KCNQ4: variants seen among roughly 807,000 people sequenced by gnomAD.
KCNQ4 encodes potassium voltage-gated channel subfamily Q member 4.
KCNQ4 carries 31 observed loss-of-function variants against 72.6 expected under a neutral mutation model. The observed-to-expected ratio is 0.43, with a 90% CI of 0.32 to 0.58. The LOEUF is 0.58. Among genes scored for constraint, KCNQ4 ranks in the 20% least tolerant of loss-of-function variants. KCNQ4 has a pLI of 0.08. For synonymous variants in KCNQ4, 405 were observed against 403.7 expected (o/e 1.00, Z -0.04); for missense variants, 869 against 962.6 (o/e 0.90, Z 1.29).
chr1:40,802,564 G>A (rs1431865597), intron 1 of KCNQ4, among the ~76,000 whole-genome samples: 1 of 150,288 alleles, frequency 6.7e-6, no homozygotes, highest in African/African-American at 2.4e-5. Flanking sequence ...CGTAAGCCCC[G>A]CCCTCGCCGA....
chr1:40,784,372 G>A lies in KCNQ4; in HGVS notation c.279G>A (p.Arg93=). The change falls in exon 1 of 14, where the codon CGG becomes CGA. Residue 93 remains arginine (R), a synonymous_variant. Coordinates refer to ENST00000347132, the MANE Select transcript of KCNQ4 (RefSeq NM_004700.4). The surrounding 1 kb of genome is among the most constrained non-coding windows in gnomAD (Gnocchi z 4.1). ...LQNWVYNVLE[R]PRGWAFVYHV... Reference sequence around the variant, plus strand: ...ACTGGGTCTACAACGTGCTGGAGCGGCCCCGCGGCTGGGCCTTCGTCTACC... The same window carrying A: ...ACTGGGTCTACAACGTGCTGGAGCGACCCCGCGGCTGGGCCTTCGTCTACC... 1 of 1,610,008 alleles carries A rather than the reference G, an allele frequency of 6.2e-7. No individual in the cohort carries two copies. Among genetic ancestry groups the A allele is most frequent in the Non-Finnish European group, 8.5e-7 (1 of 1,179,338 alleles).
chr1:40,791,926 C>A (rs1647291318), intron 1 of KCNQ4, among the ~76,000 whole-genome samples: 1 of 151,998 alleles, frequency 6.6e-6, no homozygotes. Context: ...CCGGGCTGGA[C>A]AACATTTACT....
chr1:40,818,490 C>T lies in KCNQ4; in HGVS notation c.533-15C>T, dbSNP rs935445849. 3.8e-6 allele frequency: 6 copies of T among 1,599,952 alleles called. No individual in the cohort carries two copies. Among genetic ancestry groups the T allele is most frequent in the Non-Finnish European group, 5.1e-6 (6 of 1,179,752 alleles). On this transcript the variant is annotated splice_polypyrimidine_tract_variant and intron_variant, in intron 3 of 13. Transcript: ENST00000347132. ...GGGTAGGCTGGCTGTGATCTCGCCG[C>T]CCCCGCCCCTGCAGACTTCATCGTG...
rs371447630 is a variant in KCNQ4, at chr1:40,818,467, G to C, written c.533-38G>C. ...CCCCGCCTCCGGGTCCGTGCGCGGG[G>C]TAGGCTGGCTGTGATCTCGCCGCCC... On this transcript the variant is annotated intron_variant, in intron 3 of 13. Transcript: ENST00000347132. 754 of 1,598,370 alleles carry C rather than the reference G, an allele frequency of 4.7e-4. 1 individual carries two copies. The highest frequency in any genetic ancestry group is 6.0e-4 in the Non-Finnish European group (706 of 1,179,510).
At chr1:40,811,829 A>C (rs982955059) in intron 1 of KCNQ4, among the ~76,000 whole-genome samples, 1 of 152,248 alleles carries the variant, frequency 6.6e-6, no homozygotes, top group Non-Finnish European at 1.5e-5. Context: ...AGTGGCCGCT[A>C]GTCTGGCCTG....
chr1:40,809,489 C>G (rs897806077), intron 1 of KCNQ4, among the ~76,000 whole-genome samples: 3 of 152,208 alleles, frequency 2.0e-5, no homozygotes, highest in African/African-American at 7.2e-5. Context: ...ACTCATGGCA[C>G]CTTCATCCAT....
rs1270298337 is a variant in KCNQ4 at position 40,784,826 on chromosome 1, T to C, written c.314+419T>C. Reference sequence around the variant, plus strand: ...GAGGAACCCTTGGCTCCCACACGCTTCTGTCACCTGCTCCCCAGCTCTGAG... The same window carrying C: ...GAGGAACCCTTGGCTCCCACACGCTCCTGTCACCTGCTCCCCAGCTCTGAG... On this transcript the variant is annotated intron_variant, in intron 1 of 13. Transcript: ENST00000347132. The surrounding 1 kb of genome is among the most constrained non-coding windows in gnomAD (Gnocchi z 4.1). Among the ~76,000 whole-genome samples, 1 of 152,140 alleles carries C rather than the reference T, an allele frequency of 6.6e-6. No individual in the cohort carries two copies. The highest frequency in any genetic ancestry group is 2.4e-5 in the African/African-American group (1 of 41,430).
rs1326117918 is a variant in KCNQ4 at position 40,794,246 on chromosome 1, C to T, written c.314+9839C>T. Among the ~76,000 whole-genome samples the T allele has an allele frequency of 2.0e-5, 3 of 152,220 alleles. No homozygotes were observed. The highest frequency in any genetic ancestry group is 7.2e-5 in the African/African-American group (3 of 41,458). On this transcript the variant is annotated intron_variant, in intron 1 of 13. Transcript: ENST00000347132. This position sits in a 1 kb window ranked among gnomAD's most constrained non-coding sequence, Gnocchi z 4.2. The stretch of plus-strand genomic sequence containing the variant: ...CTGCAGAGCACAGGGCCTTGATTGA[C>T]AGGCTGTGGAGGTGGGCCTTACCCT...
In KCNQ4 at chr1:40,809,378, C is replaced by A. The variant is rs148970966; in HGVS notation, c.315-7887C>A. 4.4e-4 allele frequency among the ~76,000 whole-genome samples: 67 copies of A among 152,302 alleles called. 1 individual carries two copies. Among genetic ancestry groups the A allele is most frequent in the African/African-American group, 1.5e-3 (62 of 41,560 alleles). On this transcript the variant is annotated intron_variant, in intron 1 of 13. Coordinates refer to ENST00000347132, the MANE Select transcript of KCNQ4 (RefSeq NM_004700.4). ...CCAGCCGGGTCTCTCTCTTCATACCCATGGAGTGTTTGCCCAGTGCCCATA... is the reference window on the plus strand; with the variant it reads ...CCAGCCGGGTCTCTCTCTTCATACCAATGGAGTGTTTGCCCAGTGCCCATA...
In KCNQ4 at chr1:40,807,508, T is replaced by C. The variant is rs539591779; in HGVS notation, c.315-9757T>C. On this transcript the variant is annotated intron_variant, in intron 1 of 13. Coordinates refer to ENST00000347132, the MANE Select transcript of KCNQ4 (RefSeq NM_004700.4). ...TTAGAATCGCTGGATCAGGGGAAACTTCTCCTCCCAGCCCCTGAGGATTCT... is the reference window on the plus strand; with the variant it reads ...TTAGAATCGCTGGATCAGGGGAAACCTCTCCTCCCAGCCCCTGAGGATTCT... Among the ~76,000 whole-genome samples, 4 of 152,238 alleles carry C rather than the reference T, an allele frequency of 2.6e-5. No individual in the cohort carries two copies. The South Asian group carries it at 6.2e-4, about 24-fold the overall frequency.
intron 7 of KCNQ4, among the ~76,000 whole-genome samples, chr1:40,820,535 G>T (rs1234952901): frequency 6.6e-6 from 1 of 152,260 alleles, no homozygotes; most frequent in Non-Finnish European, 1.5e-5. Flanking sequence ...ACAGGGCCTG[G>T]GGAGGGGCGG....
intron 7 of KCNQ4, among the ~76,000 whole-genome samples, chr1:40,821,736 G>A (rs768953550): frequency 7.2e-5 from 11 of 152,130 alleles, no homozygotes; most frequent in African/African-American, 1.9e-4. Flanking sequence ...AGAATGCAGC[G>A]GTAACAAAGA....
chr1:40,828,372 A>T (rs929670556), intron 9 of KCNQ4, among the ~76,000 whole-genome samples: 3 of 152,182 alleles, frequency 2.0e-5, no homozygotes, highest in Admixed American at 6.5e-5. Flanking sequence ...CGACTATCAC[A>T]TGCATGGTAG....
intron 4 of KCNQ4, 51 bp downstream of exon 4, chr1:40,818,731 A>G: frequency 6.5e-7 from 1 of 1,546,304 alleles, no homozygotes; most frequent in Non-Finnish European, 8.7e-7. Flanking sequence ...CTGGGGCACG[A>G]CCAGAGCGGG....
intron 1 of KCNQ4, among the ~76,000 whole-genome samples, chr1:40,803,214 G>T (rs562391373): frequency 2.6e-5 from 4 of 152,136 alleles, no homozygotes; most frequent in Non-Finnish European, 4.4e-5. Flanking sequence ...TTCAGGAGCC[G>T]TCCACGGCCT....
intron 9 of KCNQ4, among the ~76,000 whole-genome samples, chr1:40,826,376 T>C (rs1413417653): frequency 6.6e-6 from 1 of 152,348 alleles, no homozygotes; most frequent in East Asian, 1.9e-4. Flanking sequence ...TGCAGATACC[T>C]GGACCTGTCT....
intron 7 of KCNQ4, among the ~76,000 whole-genome samples, chr1:40,821,781 A>C (rs146057399): frequency 2.6e-5 from 4 of 152,344 alleles, no homozygotes; most frequent in Middle Eastern, 6.8e-3. Flanking sequence ...GAAAGTTATC[A>C]GTCAAATACA....
At position 40,818,768 on chromosome 1, in the gene KCNQ4, G is replaced by A. The variant is rs921740846; in HGVS notation, c.708+88G>A. 8 of 1,415,350 alleles carry A rather than the reference G, an allele frequency of 5.7e-6. No homozygotes were observed. The African/African-American group carries it at 9.9e-5, about 18-fold the overall frequency. The allele number at this position is 1,415,350 out of a possible 1,614,324, so 87.7% of individuals were successfully genotyped here. On this transcript the variant is annotated intron_variant, in intron 4 of 13. Transcript: ENST00000347132. ...AGGGCGGAGAGGGCGAGGTCAGAGGGGCTGTCTCCGTGCTGGGAAGGGGTG... is the reference window on the plus strand; with the variant it reads ...AGGGCGGAGAGGGCGAGGTCAGAGGAGCTGTCTCCGTGCTGGGAAGGGGTG...
intron 1 of KCNQ4, among the ~76,000 whole-genome samples, chr1:40,814,703 C>CAA (rs112653467): frequency 2.4e-5 from 3 of 125,016 alleles, no homozygotes; most frequent in African/African-American, 9.2e-5. Flanking sequence ...GACCCTGTCT[C>CAA]AAAAAAAAAC....
Sources: allele counts gnomAD v4.1 joint callset (sites outside exome capture counted in the v4.1 genomes callset), GRCh38; gene constraint gnomAD v4.1.1; non-coding constraint Gnocchi (gnomAD v3.1); transcripts MANE v1.5; gene names NCBI Gene and HGNC (gene_info 2026-07-23, HGNC 2026-07-21).